Variants in CRADD observed in about 807,000 individuals in gnomAD.
CRADD encodes death domain-containing protein CRADD.
In CRADD, 9 loss-of-function variants were observed where a neutral mutation model predicts 15.5. The ratio of observed to expected loss-of-function variants is 0.58; its 90% confidence interval spans 0.35 to 1.01. The LOEUF (loss-of-function observed/expected upper bound fraction) is 1.01, where lower values mean the gene tolerates loss of function less well. CRADD is among the 50% of genes least tolerant of loss of function. The probability of loss-of-function intolerance (pLI) is 0.02; values close to 1 mark genes in which losing one functional copy is unlikely to be tolerated. For synonymous variants in CRADD, 118 were observed against 107.6 expected, an observed-to-expected ratio of 1.10 and a Z score of -0.60; for missense variants, 227 against 250.3, an observed-to-expected ratio of 0.91 and a Z score of 0.63.
chr12:93,774,661 G>A (rs1439668234), intron 2 of CRADD, among the ~76,000 whole-genome samples: 2 of 152,108 alleles, frequency 1.3e-5, no homozygotes, highest in Admixed American at 6.5e-5. Flanking sequence ...TATACCCTCA[G>A]GGCTGGAGGC....
intron 2 of CRADD, among the ~76,000 whole-genome samples, chr12:93,750,782 A>G (rs1247711287): frequency 6.6e-6 from 1 of 152,248 alleles, no homozygotes; most frequent in Non-Finnish European, 1.5e-5. Context: ...ATGAATGTAC[A>G]TGTCATTATC....
rs77041843 is a variant in CRADD at position 93,849,740 on chromosome 12, C to CAA, written c.299-212_299-211dup. Among the ~76,000 whole-genome samples the CAA allele has an allele frequency of 9.4e-3, 586 of 62,186 alleles. 2 individuals are homozygous for CAA. Among genetic ancestry groups the CAA allele is most frequent in the African/African-American group, 0.014 (266 of 19,068 alleles). The allele number at this position is 62,186 out of a possible 152,430, so 40.8% of individuals were successfully genotyped here. ...TGGGTGACAGAGTGAAACACCGTCT[C>CAA]AAAAAAAAAAAAAAAAAAAGTTTCT... On this transcript the variant is annotated intron_variant, in intron 2 of 2. Coordinates refer to ENST00000332896, the MANE Select transcript of CRADD (RefSeq NM_003805.5).
chr12:93,739,855 C>G (rs572324666), intron 2 of CRADD, among the ~76,000 whole-genome samples: 1 of 152,254 alleles, frequency 6.6e-6, no homozygotes, highest in East Asian at 1.9e-4. Flanking sequence ...GCCCATTAAT[C>G]ACAATTCTGC....
chr12:93,725,176 T>C (rs766355233), intron 2 of CRADD, among the ~76,000 whole-genome samples: 29 of 152,216 alleles, frequency 1.9e-4, no homozygotes, highest in Non-Finnish European at 4.0e-4. Context: ...TATTATTTTT[T>C]ATGTTCATCC....
chr12:93,702,907 C>A (rs1021639714), intron 2 of CRADD, among the ~76,000 whole-genome samples: 4 of 152,160 alleles, frequency 2.6e-5, no homozygotes, highest in Non-Finnish European at 5.9e-5. Context: ...GACAGAATCA[C>A]CTTTTTGGTA....
At chr12:93,849,882 C>T in intron 2 of CRADD, 88 bp from the exon 3 acceptor site, 3 of 814,728 alleles carry the variant, frequency 3.7e-6, no homozygotes, top group Admixed American at 2.0e-5. Context: ...GAAGCATTGC[C>T]TTCTTCTCCC....
intron 2 of CRADD, among the ~76,000 whole-genome samples, chr12:93,838,905 G>C (rs1052635231): frequency 6.6e-6 from 1 of 151,556 alleles, no homozygotes; most frequent in Non-Finnish European, 1.5e-5. Flanking sequence ...TGGGACTACA[G>C]GTGTGCACCA....
At chr12:93,894,204 T>C (rs765604350) in exon 3 of CRADD, 8 of 695,294 alleles carry the variant, frequency 1.2e-5, no homozygotes, top group Admixed American at 2.0e-5. Flanking sequence ...CGATTTTGCC[T>C]TCCAGGGGAC....
intron 2 of CRADD, among the ~76,000 whole-genome samples, chr12:93,813,923 C>T (rs1310161079): frequency 1.3e-5 from 2 of 152,140 alleles, no homozygotes; most frequent in Non-Finnish European, 2.9e-5. Flanking sequence ...CAGAATCACC[C>T]TTTCCCCCAG....
In CRADD at chr12:93,732,696, T is replaced by G. The variant is rs548025235; in HGVS notation, c.298+53624T>G. Among the ~76,000 whole-genome samples, 7 of 152,266 alleles carry G rather than the reference T, an allele frequency of 4.6e-5. No homozygotes were observed. The South Asian group carries it at 1.0e-3, about 23-fold the overall frequency. On this transcript the variant is annotated intron_variant, in intron 2 of 2. Transcript: ENST00000332896. ...AAATCCAGGCTCTACCACTTAGTCG[T>G]TTTTTGAGCTTTGGCAAGTCACTCT...
At chr12:93,852,119 G>A (rs1958229853), downstream of CRADD, among the ~76,000 whole-genome samples, 1 of 152,206 alleles carries the variant, frequency 6.6e-6, no homozygotes, top group Non-Finnish European at 1.5e-5. Flanking sequence ...GTGATAGACT[G>A]TACTGCTGTG....
chr12:93,750,991 C>T (rs1592959503), intron 2 of CRADD, among the ~76,000 whole-genome samples: 1 of 152,168 alleles, frequency 6.6e-6, no homozygotes, highest in Admixed American at 6.5e-5. Context: ...TTAGGCCAGC[C>T]TCAGGGAATG....
chr12:93,880,533 C>A (rs1958490396), intron 2 of CRADD, among the ~76,000 whole-genome samples: 1 of 152,112 alleles, frequency 6.6e-6, no homozygotes, highest in South Asian at 2.1e-4. Context: ...CATTTTGCTT[C>A]TTCTAACATT....
chr12:93,739,784 T>C (rs1956641000), intron 2 of CRADD, among the ~76,000 whole-genome samples: 1 of 152,178 alleles, frequency 6.6e-6, no homozygotes, highest in Non-Finnish European at 1.5e-5. Context: ...ACCCAGTCTG[T>C]ACTTTTAAAT....
intron 2 of CRADD, among the ~76,000 whole-genome samples, chr12:93,750,954 G>A (rs980677777): frequency 3.9e-5 from 6 of 152,184 alleles, no homozygotes; most frequent in Non-Finnish European, 8.8e-5. Context: ...CTTTGTAGAA[G>A]TTCGATAGAA....
chr12:93,822,443 A>C (rs1957778972), intron 2 of CRADD, among the ~76,000 whole-genome samples: 1 of 152,162 alleles, frequency 6.6e-6, no homozygotes, highest in South Asian at 2.1e-4. Flanking sequence ...TCCTCTTTGT[A>C]CCACAGTGAA....
intron 2 of CRADD, among the ~76,000 whole-genome samples, chr12:93,718,585 A>G (rs1956202915): frequency 6.6e-6 from 1 of 152,208 alleles, no homozygotes; most frequent in African/African-American, 2.4e-5. Flanking sequence ...TACATAGACA[A>G]TCATGTCATC....
downstream of CRADD, among the ~76,000 whole-genome samples, chr12:93,851,627 A>G (rs1414313796): frequency 6.6e-6 from 1 of 152,236 alleles, no homozygotes; most frequent in Non-Finnish European, 1.5e-5. Flanking sequence ...AAAGCTGAAT[A>G]GTGGCTGAAA....
At chr12:93,764,733 GTT>G (rs3030258) in intron 2 of CRADD, among the ~76,000 whole-genome samples, 82,624 of 147,018 alleles carry the variant, frequency 0.56, 23,648 homozygotes, top group East Asian at 0.89. Context: ...CATATTTTTG[GTT>G]TTTTTTTTTT....
Sources: allele counts gnomAD v4.1 joint callset (sites outside exome capture counted in the v4.1 genomes callset), GRCh38; gene constraint gnomAD v4.1.1; transcripts MANE v1.5; gene names NCBI Gene and HGNC (gene_info 2026-07-23, HGNC 2026-07-21).